ANO2: variants seen among roughly 807,000 people sequenced by gnomAD.
ANO2 encodes the protein anoctamin 2, also known as anoctamin-2.
ANO2 carries 101 observed loss-of-function variants against 124.2 expected under a neutral mutation model. The observed-to-expected ratio is 0.81, with a 90% CI of 0.69 to 0.96. The LOEUF is 0.96. Ranked by LOEUF, ANO2 falls within the 40% of genes least tolerant of loss-of-function variation. ANO2 has a pLI of 0.00. For missense variants in ANO2, 1,293 were observed against 1,274.5 expected (o/e 1.01, Z -0.22); for synonymous variants, 486 against 482.5 (o/e 1.01, Z -0.09).
intron 1 of ANO2, among the ~76,000 whole-genome samples, chr12:5,933,847 CTACTCCTA>C (rs1942537947): frequency 6.6e-6 from 1 of 152,164 alleles, no homozygotes; most frequent in Non-Finnish European, 1.5e-5. Context: ...AGGTAAAGTC[CTACTCCTA>C]TACCACGCCT....
At chr12:5,935,121 T>C (rs1942592242) in intron 1 of ANO2, among the ~76,000 whole-genome samples, 1 of 152,190 alleles carries the variant, frequency 6.6e-6, no homozygotes, top group African/African-American at 2.4e-5. Context: ...ATGCCTCTGT[T>C]ACAGCTTTTT....
In ANO2 at chr12:5,889,823, C is replaced by T. The variant is rs566938589; in HGVS notation, c.534+31217G>A. Among the ~76,000 whole-genome samples, 29 of 152,376 alleles carry T rather than the reference C, an allele frequency of 1.9e-4. No individual in the cohort carries two copies. In the East Asian group the frequency reaches 3.9e-3, roughly 20 times the overall value. ...TATTAACTTCCTACTGATCATAGAG[C>T]TTCGCTCAATGAAGCACCCCGTCCA... On this transcript the variant is annotated intron_variant, in intron 3 of 24. Coordinates refer to ENST00000682330, the MANE Select transcript of ANO2 (RefSeq NM_001364791.2).
intron 3 of ANO2, among the ~76,000 whole-genome samples, chr12:5,903,319 A>G (rs547829348): frequency 6.6e-6 from 1 of 152,318 alleles, no homozygotes; most frequent in South Asian, 2.1e-4. Context: ...TGAGCTTCTG[A>G]TATATGCCAG....
chr12:5,779,048 T>A (rs1273117751), intron 10 of ANO2, among the ~76,000 whole-genome samples: 1 of 152,236 alleles, frequency 6.6e-6, no homozygotes, highest in African/African-American at 2.4e-5. Context: ...CATTTCTGAT[T>A]ATTACTGCCC....
intron 1 of ANO2, among the ~76,000 whole-genome samples, chr12:5,932,531 G>A (rs990438753): frequency 4.5e-4 from 60 of 133,900 alleles, no homozygotes; most frequent in African/African-American, 1.2e-3. Context: ...GAAGGTAGAC[G>A]AGTGAGGAAA....
At chr12:5,736,866 T>C (rs760953140) in intron 13 of ANO2, among the ~76,000 whole-genome samples, 18 of 152,192 alleles carry the variant, frequency 1.2e-4, no homozygotes, top group Non-Finnish European at 2.5e-4. Context: ...GGGCACCCCT[T>C]CTTCCCTTTG....
At chr12:5,588,591 G>T (rs879562055) in intron 20 of ANO2, among the ~76,000 whole-genome samples, 2 of 152,180 alleles carry the variant, frequency 1.3e-5, no homozygotes, top group Admixed American at 1.3e-4. Flanking sequence ...TGGTCTCATG[G>T]TCTGAAACTT....
intron 3 of ANO2, among the ~76,000 whole-genome samples, chr12:5,903,874 C>T (rs949299769): frequency 6.6e-6 from 1 of 152,132 alleles, no homozygotes; most frequent in African/African-American, 2.4e-5. Context: ...ACTGAATTAG[C>T]TCCCACTTCT....
Position 5,583,449 on chromosome 12 carries a change from C to G in ANO2, c.2234-4931G>C, listed in dbSNP as rs370022688. Among the ~76,000 whole-genome samples, 18 of 151,794 alleles carry G rather than the reference C, an allele frequency of 1.2e-4. No homozygotes were observed. In the South Asian group the frequency reaches 1.7e-3, roughly 14 times the overall value. Reference sequence around the variant, plus strand: ...CGGGCGGATCACAAGGTCAGGAGATCGAGACCATCTTGGCTAACACGGTGA... The same window carrying G: ...CGGGCGGATCACAAGGTCAGGAGATGGAGACCATCTTGGCTAACACGGTGA... On this transcript the variant is annotated intron_variant, in intron 20 of 24. Coordinates refer to ENST00000682330, the MANE Select transcript of ANO2 (RefSeq NM_001364791.2).
intron 3 of ANO2, among the ~76,000 whole-genome samples, chr12:5,860,280 T>C (rs897738392): frequency 1.3e-5 from 2 of 152,194 alleles, no homozygotes; most frequent in Non-Finnish European, 2.9e-5. Context: ...TTCCTCTTGC[T>C]TGTGCAATTC....
intron 14 of ANO2, among the ~76,000 whole-genome samples, chr12:5,666,599 C>T (rs1947731793): frequency 6.6e-6 from 1 of 152,200 alleles, no homozygotes; most frequent in African/African-American, 2.4e-5. Context: ...CAAATTTTAC[C>T]TTGAAAAAAT....
chr12:5,921,823 A>C (rs887924825), intron 2 of ANO2, among the ~76,000 whole-genome samples: 4 of 151,992 alleles, frequency 2.6e-5, no homozygotes, highest in African/African-American at 9.7e-5. Flanking sequence ...ACGCGTATCT[A>C]CCCGAGTGCG....
intron 14 of ANO2, among the ~76,000 whole-genome samples, chr12:5,727,238 T>C (rs1176292785): frequency 6.6e-6 from 1 of 152,064 alleles, no homozygotes; most frequent in African/African-American, 2.4e-5. Flanking sequence ...TTTAAAAGTG[T>C]GTGGCACCAC....
upstream of ANO2, chr12:5,946,123 G>T (rs933924404): frequency 6.2e-7 from 1 of 1,612,252 alleles, no homozygotes; most frequent in African/African-American, 1.3e-5. This position sits in a 1 kb window ranked among gnomAD's most constrained non-coding sequence, Gnocchi z 4.1. Context: ...CTATGTTAAG[G>T]TCAAGTATGC....
chr12:5,835,826 C>T (rs937414148), intron 4 of ANO2, among the ~76,000 whole-genome samples: 3 of 152,320 alleles, frequency 2.0e-5, no homozygotes, highest in Non-Finnish European at 4.4e-5. Flanking sequence ...ACAGAACTCA[C>T]CTCTCAGGTG....
At chr12:5,715,410 A>G (rs1425642532) in intron 14 of ANO2, among the ~76,000 whole-genome samples, 1 of 152,172 alleles carries the variant, frequency 6.6e-6, no homozygotes, top group Non-Finnish European at 1.5e-5. Context: ...CTCTTTCTTC[A>G]TTAGTGATGG....
intron 1 of ANO2, among the ~76,000 whole-genome samples, chr12:5,926,919 C>A (rs1942105837): frequency 6.6e-6 from 1 of 152,320 alleles, no homozygotes; most frequent in East Asian, 1.9e-4. Context: ...ATTATTATAT[C>A]TTTTCCTCAT....
Position 5,791,467 on chromosome 12 carries a change from G to A in ANO2, c.1055+8040C>T, listed in dbSNP as rs535100857. The stretch of plus-strand genomic sequence containing the variant: ...GTCGACTATGGTCAGCATGCAGCCC[G>A]TACCAGAAGACCACACCATGGTTTT... On this transcript the variant is annotated intron_variant, in intron 10 of 24. Coordinates refer to ENST00000682330, the MANE Select transcript of ANO2 (RefSeq NM_001364791.2). Among the ~76,000 whole-genome samples the A allele has an allele frequency of 5.9e-5, 9 of 152,286 alleles. No homozygotes were observed. The South Asian group carries it at 1.7e-3, about 28-fold the overall frequency.
intron 3 of ANO2, among the ~76,000 whole-genome samples, chr12:5,902,628 G>A (rs1322809875): frequency 2.4e-4 from 1 of 4,118 alleles, no homozygotes; most frequent in Non-Finnish European, 5.4e-4. Context: ...GGAGGGGAGG[G>A]GAGGGGAGGG....
Sources: gnomAD v4.1 joint callset for allele counts (sites outside exome capture counted in the v4.1 genomes callset) on GRCh38, gnomAD v4.1.1 for gene constraint, Gnocchi (gnomAD v3.1) non-coding constraint, MANE v1.5 for transcripts, NCBI Gene and HGNC (gene_info 2026-07-23, HGNC 2026-07-21) for gene names.